DGKE: variants seen among roughly 807,000 people sequenced by gnomAD.
DGKE encodes the protein diacylglycerol kinase epsilon, also known as DAG kinase epsilon.
DGKE carries 53 observed loss-of-function variants against 70.0 expected under a neutral mutation model. That is an observed-to-expected ratio of 0.76 (90% CI 0.61 to 0.95). The LOEUF is 0.95. DGKE is among the 40% of genes least tolerant of loss of function. DGKE has a pLI of 0.00. For missense variants in DGKE, 655 were observed against 706.9 expected (o/e 0.93, Z 0.83); for synonymous variants, 291 against 257.0 (o/e 1.13, Z -1.27).
rs761319737 is a variant in DGKE at position 56,858,665 on chromosome 17, G to A, written c.1284G>A (p.Glu428=). 1.3e-6 allele frequency: 2 copies of A among 1,596,200 alleles called. No individual in the cohort carries two copies. Among genetic ancestry groups the A allele is most frequent in the Non-Finnish European group, 1.7e-6 (2 of 1,170,920 alleles). Reference sequence around the variant, plus strand: ...GTAAAGATTTGAATAAAAAAGTTGAGGTAAGCTATTAACACTTTTTATTTT... The same window carrying A: ...GTAAAGATTTGAATAAAAAAGTTGAAGTAAGCTATTAACACTTTTTATTTT... ...QECKDLNKKV[E]LELDGERVAL... is the part of the protein sequence containing the mutation. Residue 428 remains glutamate (E), a splice_region_variant and synonymous_variant, in exon 9 of 12, where the codon GAG becomes GAA. Coordinates refer to ENST00000284061, the MANE Select transcript of DGKE (RefSeq NM_003647.3).
intron 7 of DGKE, among the ~76,000 whole-genome samples, chr17:56,850,307 C>T (rs1907570688): frequency 6.6e-6 from 1 of 151,856 alleles, no homozygotes; most frequent in African/African-American, 2.4e-5. Flanking sequence ...GTTTTTGTTT[C>T]TGTTTTGTAG....
rs1288321149 is a variant in DGKE, at chr17:56,864,821, A to C, written c.*2030A>C. On this transcript the variant is annotated 3_prime_UTR_variant, in exon 12 of 12. Transcript: ENST00000284061. ...ATCACAATAACTAATACAGCTTTTT[A>C]ATTGTGAAAACTACAATTAAAAATT... 3 of 152,188 alleles carry C rather than the reference A, an allele frequency of 2.0e-5. No individual in the cohort carries two copies. Among genetic ancestry groups the C allele is most frequent in the Non-Finnish European group, 4.4e-5 (3 of 68,010 alleles). The allele number at this position is 152,188 out of a possible 1,614,324, so 9.4% of individuals were successfully genotyped here.
In DGKE at chr17:56,859,126, A is replaced by C. The variant is rs191307844; in HGVS notation, c.1284+461A>C. ...TTAATTCAGATTATTTTTGTCGGGT[A>C]TCTCTCTTACATACCAAAATAAAAA... On this transcript the variant is annotated intron_variant, in intron 9 of 11. Coordinates refer to ENST00000284061, the MANE Select transcript of DGKE (RefSeq NM_003647.3). Among the ~76,000 whole-genome samples, 388 of 151,542 alleles carry C rather than the reference A, an allele frequency of 2.6e-3. 3 individuals carry two copies. Among genetic ancestry groups the C allele is most frequent in the Non-Finnish European group, 4.1e-3 (275 of 67,894 alleles).
intron 2 of DGKE, chr17:56,835,986 C>T (rs1017229839): frequency 6.6e-6 from 1 of 152,230 alleles, no homozygotes; most frequent in African/African-American, 2.4e-5. Flanking sequence ...ATGATCTATT[C>T]TAACTCAGTT....
At position 56,852,271 on chromosome 17, in the gene DGKE, G is replaced by T. The variant is rs145468004; in HGVS notation, c.1098+3039G>T. Among the ~76,000 whole-genome samples, 389 of 151,864 alleles carry T rather than the reference G, an allele frequency of 2.6e-3. 1 individual carries two copies. The highest frequency in any genetic ancestry group is 8.8e-3 in the African/African-American group (363 of 41,388). On this transcript the variant is annotated intron_variant, in intron 7 of 11. Coordinates refer to ENST00000284061, the MANE Select transcript of DGKE (RefSeq NM_003647.3). ...CTAATAAAAATACAAAAATTAGCCG[G>T]GTGTGGTCGTGGGTGCCTGTAATCC...
At chr17:56,846,842 C>G (rs1907316988) in intron 4 of DGKE, among the ~76,000 whole-genome samples, 1 of 152,118 alleles carries the variant, frequency 6.6e-6, no homozygotes, top group African/African-American at 2.4e-5. Context: ...ATTATCTATG[C>G]ATTTACTTTA....
intron 3 of DGKE, 75 bp downstream of exon 3, chr17:56,844,253 CAGT>C: frequency 1.0e-6 from 1 of 1,004,670 alleles, no homozygotes; most frequent in Non-Finnish European, 1.4e-6. Context: ...ATAGTTAAGA[CAGT>C]ATGTAAGAAG....
In DGKE at chr17:56,835,220, A is replaced by G. The variant is rs745902152; in HGVS notation, c.425A>G (p.Lys142Arg). 6.2e-7 allele frequency: 1 copy of G among 1,613,648 alleles called. No individual in the cohort carries two copies. Among genetic ancestry groups the G allele is most frequent in the Non-Finnish European group, 8.5e-7 (1 of 1,179,994 alleles). ...VPLCSYCMVC[K>R]QQCGCQPKLC... The stretch of plus-strand genomic sequence containing the variant: ...CTGTGCAGTTACTGTATGGTTTGCA[A>G]GCAGCAGTGTGGCTGTCAACCCAAG... The change falls in exon 2 of 12, where the codon AAG becomes AGG. Residue 142 changes from lysine (K) to arginine (R), a missense_variant. Physicochemically the swap from Lys to Arg is conservative, Grantham distance 26. Coordinates refer to ENST00000284061, the MANE Select transcript of DGKE (RefSeq NM_003647.3).
chr17:56,839,558 G>A (rs771167127), intron 2 of DGKE, among the ~76,000 whole-genome samples: 7 of 152,128 alleles, frequency 4.6e-5, no homozygotes, highest in Non-Finnish European at 1.0e-4. Context: ...ACTCTATATT[G>A]CCTAGGCTGG....
At chr17:56,860,898 T>C (rs1908249661) in intron 9 of DGKE, among the ~76,000 whole-genome samples, 2 of 152,190 alleles carry the variant, frequency 1.3e-5, no homozygotes, top group African/African-American at 4.8e-5. Flanking sequence ...GAGTGTCATA[T>C]TTGCCTGGTA....
intron 7 of DGKE, among the ~76,000 whole-genome samples, chr17:56,851,859 C>T (rs887507379): frequency 4.6e-5 from 7 of 152,072 alleles, no homozygotes; most frequent in Non-Finnish European, 1.5e-5. Context: ...AACTAAAATT[C>T]GGTATCAGAT....
intron 1 of DGKE, among the ~76,000 whole-genome samples, chr17:56,834,532 G>A (rs1906433451): frequency 6.6e-6 from 1 of 152,208 alleles, no homozygotes; most frequent in Admixed American, 6.5e-5. Context: ...AGCAGCAGCC[G>A]CCTTGGGCTC....
chr17:56,835,998 A>G (rs1380030977), intron 2 of DGKE: 1 of 152,240 alleles, frequency 6.6e-6, no homozygotes, highest in African/African-American at 2.4e-5. Context: ...AACTCAGTTC[A>G]CAGTTGAGAA....
At chr17:56,853,592 C>T (rs1336659999) in intron 7 of DGKE, among the ~76,000 whole-genome samples, 1 of 152,136 alleles carries the variant, frequency 6.6e-6, no homozygotes, top group Non-Finnish European at 1.5e-5. Context: ...GCACCTTTGT[C>T]AGAAATCAGT....
chr17:56,851,673 T>A (rs1907660534), intron 7 of DGKE, among the ~76,000 whole-genome samples: 1 of 152,156 alleles, frequency 6.6e-6, no homozygotes. Context: ...GGAAAGCCTC[T>A]GCCATGAGAG....
rs144417124 is a variant in DGKE at position 56,848,806 on chromosome 17, G to A, written c.999G>A (p.Ala333=). ...GTGYAGEIPV[A]QVLRNVMEAD... ...GTTATGCTGGAGAAATTCCAGTTGC[G>A]CAGGTTTTGCGAAATGTAATGGAAG... The change falls in exon 6 of 12, where the codon GCG becomes GCA. Residue 333 remains alanine, a synonymous_variant. Coordinates refer to ENST00000284061, the MANE Select transcript of DGKE (RefSeq NM_003647.3). The A allele has an allele frequency of 1.5e-5, 25 of 1,614,036 alleles. No homozygotes were observed. The highest frequency in any genetic ancestry group is 1.6e-4 in the Middle Eastern group (1 of 6,084).
chr17:56,860,721 G>A (rs1391674616), intron 9 of DGKE, among the ~76,000 whole-genome samples: 1 of 152,180 alleles, frequency 6.6e-6, no homozygotes, highest in African/African-American at 2.4e-5. Flanking sequence ...ATAAGTAAGA[G>A]TTAGCTAAGA....
intron 2 of DGKE, among the ~76,000 whole-genome samples, chr17:56,839,310 A>G (rs940473412): frequency 6.6e-6 from 1 of 152,204 alleles, no homozygotes; most frequent in Non-Finnish European, 1.5e-5. Context: ...TTTTCAAAAT[A>G]AAAAGAAAAA....
chr17:56,834,886 C>T lies in DGKE; in HGVS notation c.91C>T (p.Leu31=), dbSNP rs1281696425. ...HLILWTLCSV[L]LPVFITFWCS... is the part of the protein sequence containing the mutation. ...GATCTTGTGGACGCTGTGCTCGGTC[C>T]TGCTGCCGGTGTTCATCACCTTCTG... Residue 31 remains leucine, a synonymous_variant, in exon 2 of 12, where the codon CTG becomes TTG. Transcript: ENST00000284061. 8.7e-6 allele frequency: 14 copies of T among 1,613,576 alleles called. No homozygotes were observed. Among genetic ancestry groups the T allele is most frequent in the African/African-American group, 1.3e-5 (1 of 74,950 alleles).
Sources: gnomAD v4.1 joint callset for allele counts (sites outside exome capture counted in the v4.1 genomes callset) on GRCh38, gnomAD v4.1.1 for gene constraint, MANE v1.5 for transcripts, NCBI Gene and HGNC (gene_info 2026-07-23, HGNC 2026-07-21) for gene names.